The following MSI2 variants were observed in gnomAD, a reference collection of about 807,000 sequenced individuals.
MSI2 encodes RNA-binding protein Musashi homolog 2.
In MSI2, 17 loss-of-function variants were observed where a neutral mutation model predicts 45.6. The ratio of observed to expected loss-of-function variants is 0.37; its 90% confidence interval spans 0.26 to 0.56. The LOEUF (loss-of-function observed/expected upper bound fraction) is 0.56, where lower values mean the gene tolerates loss of function less well. Ranked by LOEUF, MSI2 falls within the 20% of genes least tolerant of loss-of-function variation. MSI2 has a pLI of 0.77. For synonymous variants in MSI2, 156 were observed against 158.2 expected, an observed-to-expected ratio of 0.99 and a Z score of 0.11; for missense variants, 293 against 444.2, an observed-to-expected ratio of 0.66 and a Z score of 3.06.
At chr17:57,505,336 G>A (rs2086204188) in intron 6 of MSI2, among the ~76,000 whole-genome samples, 1 of 152,114 alleles carries the variant, frequency 6.6e-6, no homozygotes, top group Admixed American at 6.5e-5. Context: ...TTTATGGGGT[G>A]AGAGAAGAAA....
intron 5 of MSI2, among the ~76,000 whole-genome samples, chr17:57,307,424 A>AT (rs112519407): frequency 3.7e-3 from 540 of 146,776 alleles, no homozygotes; most frequent in Middle Eastern, 0.011. Flanking sequence ...CTGCCCTAGG[A>AT]TTTTTTTTTT....
chr17:57,309,823 T>C (rs1353660017), intron 5 of MSI2, among the ~76,000 whole-genome samples: 1 of 152,142 alleles, frequency 6.6e-6, no homozygotes, highest in Non-Finnish European at 1.5e-5. Flanking sequence ...GAGGCACGAC[T>C]CAGTGGCAGA....
chr17:57,452,406 C>T (rs2143558858), intron 6 of MSI2, among the ~76,000 whole-genome samples: 1 of 152,356 alleles, frequency 6.6e-6, no homozygotes, highest in East Asian at 1.9e-4. Flanking sequence ...GCAAGCATGC[C>T]AGTGGCAGAG....
chr17:57,603,457 C>T (rs892230623), intron 8 of MSI2, among the ~76,000 whole-genome samples: 1 of 152,214 alleles, frequency 6.6e-6, no homozygotes, highest in African/African-American at 2.4e-5. Context: ...CCAGTTTGCT[C>T]CTGTGGGAAA....
In MSI2 at chr17:57,256,572, C is replaced by A. The variant is rs1284763929; in HGVS notation, c.-171C>A. On this transcript the variant is annotated 5_prime_UTR_variant, in exon 1 of 14. Coordinates refer to ENST00000284073, the MANE Select transcript of MSI2 (RefSeq NM_138962.4). ...AGCCGAGCCCACGTGTGACGGCTCT[C>A]GCCGCTGCCCCGGCTCCGCCGCTCG... 1.3e-5 allele frequency: 5 copies of A among 386,940 alleles called. No individual in the cohort carries two copies. The highest frequency in any genetic ancestry group is 2.2e-5 in the Non-Finnish European group (5 of 223,570). 24.0% of individuals were successfully genotyped at this position (386,940 alleles called of 1,614,324 possible). A position where few individuals can be genotyped will look rare whatever the true frequency, so the allele number is the denominator to read the frequency against.
At position 57,449,563 on chromosome 17, in the gene MSI2, G is replaced by A. The variant is rs541074073; in HGVS notation, c.405+48092G>A. ...CCCAAGGCTTGATCGTAGACACATA[G>A]GTTATGTGTCCATTATAGACATATG... On this transcript the variant is annotated intron_variant, in intron 6 of 13. Coordinates refer to ENST00000284073, the MANE Select transcript of MSI2 (RefSeq NM_138962.4). The A allele has an allele frequency of 3.4e-3, 525 of 152,202 alleles. 3 individuals carry two copies. Among genetic ancestry groups the A allele is most frequent in the African/African-American group, 0.012 (504 of 41,508 alleles). 9.4% of individuals were successfully genotyped at this position (152,202 alleles called of 1,614,324 possible). A position where few individuals can be genotyped will look rare whatever the true frequency, so the allele number is the denominator to read the frequency against.
At chr17:57,514,227 C>A (rs1361341267) in intron 6 of MSI2, among the ~76,000 whole-genome samples, 1 of 151,694 alleles carries the variant, frequency 6.6e-6, no homozygotes, top group Non-Finnish European at 1.5e-5. Context: ...TTTTCTGCTT[C>A]AGAAAGCAAA....
At chr17:57,694,356 T>C in the MSI2 span, among the ~76,000 whole-genome samples, 1 of 152,218 alleles carries the variant, frequency 6.6e-6, no homozygotes, top group African/African-American at 2.4e-5. Context: ...GTGTTTCTGC[T>C]TCACTCTTAG....
In MSI2 at chr17:57,469,405, A is replaced by G. The variant is rs116562731; in HGVS notation, c.406-60271A>G. ...CTATTATTTCTGTGTAAACAGTGTCATGCCCTATTGCACCAAGCAAACAGT... is the reference window on the plus strand; with the variant it reads ...CTATTATTTCTGTGTAAACAGTGTCGTGCCCTATTGCACCAAGCAAACAGT... On this transcript the variant is annotated intron_variant, in intron 6 of 13. Coordinates refer to ENST00000284073, the MANE Select transcript of MSI2 (RefSeq NM_138962.4). Among the ~76,000 whole-genome samples, 572 of 152,352 alleles carry G rather than the reference A, an allele frequency of 3.8e-3. 3 individuals carry two copies. The highest frequency in any genetic ancestry group is 0.013 in the African/African-American group (550 of 41,586).
chr17:57,579,352 C>T (rs943064108), intron 7 of MSI2, among the ~76,000 whole-genome samples: 23 of 152,134 alleles, frequency 1.5e-4, no homozygotes, highest in Admixed American at 5.9e-4. Flanking sequence ...CTCTGGAGGA[C>T]GCAGGGATGA....
At position 57,675,106 on chromosome 17, in the gene MSI2, G is replaced by C. The variant is rs760018686; in HGVS notation, c.925G>C (p.Gly309Arg). 6.2e-7 allele frequency: 1 copy of C among 1,613,720 alleles called. No homozygotes were observed. The highest frequency in any genetic ancestry group is 8.5e-7 in the Non-Finnish European group (1 of 1,179,954). ...ISAASPQPGSGFGHGIAGPLI... is the reference protein window; with the variant it reads ...ISAASPQPGSRFGHGIAGPLI... ...TGCGGCCAGCCCACAGCCGGGCTCG[G>C]GCTTCGGCCACGGCATAGCTGTAAG... Residue 309 changes from glycine (G) to arginine (R), a missense_variant, in exon 12 of 14, where the codon GGC becomes CGC. Gly to Arg is a moderately radical substitution (Grantham distance 125). Coordinates refer to ENST00000284073, the MANE Select transcript of MSI2 (RefSeq NM_138962.4).
At chr17:57,504,286 C>T (rs2086180159) in intron 6 of MSI2, among the ~76,000 whole-genome samples, 1 of 152,222 alleles carries the variant, frequency 6.6e-6, no homozygotes, top group Non-Finnish European at 1.5e-5. Context: ...CCTCACAAGG[C>T]AGCCCCCCGG....
At chr17:57,658,808 A>G (rs1289018717) in intron 11 of MSI2, among the ~76,000 whole-genome samples, 2 of 152,172 alleles carry the variant, frequency 1.3e-5, no homozygotes, top group East Asian at 3.8e-4. Flanking sequence ...TCAGGAGCTC[A>G]GGCCCAGCTG....
At chr17:57,465,388 G>C (rs2085311315) in intron 6 of MSI2, among the ~76,000 whole-genome samples, 1 of 152,174 alleles carries the variant, frequency 6.6e-6, no homozygotes, top group Admixed American at 6.5e-5. Context: ...AAAGGCAAAG[G>C]TCTTCCTGGG....
At chr17:57,506,978 C>G (rs2086243085) in intron 6 of MSI2, among the ~76,000 whole-genome samples, 1 of 152,128 alleles carries the variant, frequency 6.6e-6, no homozygotes, top group Non-Finnish European at 1.5e-5. Flanking sequence ...CTCCCTGCTG[C>G]TTGGTTAAAC....
At chr17:57,518,943 C>T (rs1453550312) in intron 6 of MSI2, among the ~76,000 whole-genome samples, 2 of 152,272 alleles carry the variant, frequency 1.3e-5, no homozygotes, top group East Asian at 3.9e-4. Context: ...CTCTCAGTGT[C>T]TCTCTCCCCT....
the MSI2 span, among the ~76,000 whole-genome samples, chr17:57,701,561 A>G: frequency 2.0e-5 from 3 of 147,610 alleles, no homozygotes; most frequent in Non-Finnish European, 4.4e-5. Flanking sequence ...TGTGAGAAAT[A>G]AATGTCTGTT....
intron 7 of MSI2, among the ~76,000 whole-genome samples, chr17:57,585,876 C>T (rs1213201484): frequency 6.6e-6 from 1 of 152,274 alleles, no homozygotes; most frequent in Non-Finnish European, 1.5e-5. Flanking sequence ...TCCTCGTGCC[C>T]TTGCTCCAGC....
At chr17:57,519,614 C>T (rs71372804) in intron 6 of MSI2, among the ~76,000 whole-genome samples, 1 of 152,182 alleles carries the variant, frequency 6.6e-6, no homozygotes, top group Non-Finnish European at 1.5e-5. Flanking sequence ...ATCATTCCTC[C>T]TCTCCCGAGC....
Sources: gnomAD v4.1 joint callset for allele counts (sites outside exome capture counted in the v4.1 genomes callset) on GRCh38, gnomAD v4.1.1 for gene constraint, MANE v1.5 for transcripts, NCBI Gene and HGNC (gene_info 2026-07-23, HGNC 2026-07-21) for gene names.